PSD3: variants seen among roughly 807,000 people sequenced by gnomAD.
The protein encoded by PSD3 is pleckstrin and Sec7 domain containing 3, also known as PH and SEC7 domain-containing protein 3.
Under a neutral mutation model 105.5 loss-of-function variants are expected in PSD3, and 49 were observed. The ratio of observed to expected loss-of-function variants is 0.46; its 90% CI spans 0.37 to 0.59. The LOEUF (loss-of-function observed/expected upper bound fraction) is 0.59, where lower values mean the gene tolerates loss of function less well. Among genes scored for constraint, PSD3 ranks in the 20% least tolerant of loss-of-function variants. The pLI is 0.00. For missense variants in PSD3, 1,561 were observed against 1,263.8 expected, an observed-to-expected ratio of 1.24 and a Z score of -3.57; for synonymous variants, 557 against 457.8, an observed-to-expected ratio of 1.22 and a Z score of -2.77.
rs1454054227 is a variant in PSD3, at chr8:18,532,480, C to CA, written c.*3262dup. ...TGTGTTTGCCACAAGACCACTGCAC[C>CA]AAAAAATGCTTTCTATCCTCTGCAT... On this transcript the variant is annotated 3_prime_UTR_variant, in exon 16 of 16. Coordinates refer to ENST00000327040, the MANE Select transcript of PSD3 (RefSeq NM_015310.4). The CA allele has an allele frequency of 6.6e-6, 1 of 152,042 alleles. No homozygotes were observed. The highest frequency in any genetic ancestry group is 1.5e-5 in the Non-Finnish European group (1 of 68,008). 9.4% of individuals were successfully genotyped at this position (152,042 alleles called of 1,614,324 possible).
intron 4 of PSD3, among the ~76,000 whole-genome samples, chr8:18,861,022 C>T (rs1816398188): frequency 6.6e-6 from 1 of 152,118 alleles, no homozygotes; most frequent in African/African-American, 2.4e-5. Context: ...AAGGTTTAAA[C>T]CACAGAATTA....
intron 4 of PSD3, among the ~76,000 whole-genome samples, chr8:18,841,082 C>T (rs2129451310): frequency 6.6e-6 from 1 of 152,236 alleles, no homozygotes; most frequent in East Asian, 1.9e-4. Flanking sequence ...GAAGAAAGTC[C>T]CATGATTTCA....
chr8:18,956,984 TCTC>T (rs908152189), intron 1 of PSD3, among the ~76,000 whole-genome samples: 2 of 152,008 alleles, frequency 1.3e-5, no homozygotes, highest in Non-Finnish European at 2.9e-5. Context: ...CCCCATCACT[TCTC>T]CTCTCCCAAG....
chr8:18,608,397 G>C (rs1805020709), intron 11 of PSD3, among the ~76,000 whole-genome samples: 1 of 152,130 alleles, frequency 6.6e-6, no homozygotes, highest in South Asian at 2.1e-4. Context: ...ATTAAGAAGT[G>C]AATGAAACCA....
intron 1 of PSD3, among the ~76,000 whole-genome samples, chr8:19,020,056 C>A (rs1322472992): frequency 6.6e-6 from 1 of 152,104 alleles, no homozygotes; most frequent in Non-Finnish European, 1.5e-5. Context: ...TTTTTATTAT[C>A]CTTCTTATGG....
rs897898183 is a variant in PSD3 at position 18,532,611 on chromosome 8, T to C, written c.*3132A>G. The C allele has an allele frequency of 2.6e-5, 4 of 152,348 alleles. No homozygotes were observed. The highest frequency in any genetic ancestry group is 2.6e-4 in the Admixed American group (4 of 15,304). 9.4% of individuals were successfully genotyped at this position (152,348 alleles called of 1,614,324 possible). On this transcript the variant is annotated 3_prime_UTR_variant, in exon 16 of 16. Coordinates refer to ENST00000327040, the MANE Select transcript of PSD3 (RefSeq NM_015310.4). ...GATTAATTAAAATTCACAAAAGTAT[T>C]GCTCAGTTTAATTAGACACTGCTGA...
chr8:18,795,066 A>G (rs1810051837), intron 8 of PSD3, among the ~76,000 whole-genome samples: 1 of 152,232 alleles, frequency 6.6e-6, no homozygotes, highest in Admixed American at 6.5e-5. Context: ...ATGAATTCTT[A>G]CAATCTATCT....
At chr8:18,845,114 G>A (rs1338784887) in intron 4 of PSD3, among the ~76,000 whole-genome samples, 1 of 151,932 alleles carries the variant, frequency 6.6e-6, no homozygotes, top group Non-Finnish European at 1.5e-5. Context: ...GTAAAAATAT[G>A]GTATCTTGTC....
chr8:18,540,039 C>T (rs1270721527), intron 15 of PSD3, among the ~76,000 whole-genome samples: 5 of 152,096 alleles, frequency 3.3e-5, no homozygotes. Flanking sequence ...CGTGCCCAGC[C>T]CCATGAGAGG....
intron 9 of PSD3, among the ~76,000 whole-genome samples, chr8:18,692,389 G>C (rs1684808375): frequency 6.6e-6 from 1 of 152,174 alleles, no homozygotes; most frequent in Admixed American, 6.5e-5. Flanking sequence ...CAATTGGAAT[G>C]GGCCTGGCCT....
intron 9 of PSD3, among the ~76,000 whole-genome samples, chr8:18,758,326 A>G (rs566677964): frequency 1.3e-5 from 2 of 152,130 alleles, no homozygotes; most frequent in South Asian, 4.1e-4. Flanking sequence ...ATTGAAAAGT[A>G]GGGCAATTGT....
At chr8:18,943,814 T>C (rs912740746) in intron 1 of PSD3, among the ~76,000 whole-genome samples, 4 of 152,026 alleles carry the variant, frequency 2.6e-5, no homozygotes, top group African/African-American at 9.7e-5. Flanking sequence ...AAACTGGGAT[T>C]TGTATGCTGG....
chr8:18,548,595 G>A (rs1453630899), intron 15 of PSD3, among the ~76,000 whole-genome samples: 4 of 152,144 alleles, frequency 2.6e-5, no homozygotes, highest in Non-Finnish European at 4.4e-5. Context: ...ATCCTGCAAG[G>A]CTGAGTGCTG....
chr8:18,989,550 G>A (rs1207516584), intron 1 of PSD3: 1 of 152,098 alleles, frequency 6.6e-6, no homozygotes, highest in African/African-American at 2.4e-5. Context: ...AGAATACTAG[G>A]GATTAGAGAA....
At chr8:18,807,380 G>C (rs1169613731) in intron 4 of PSD3, among the ~76,000 whole-genome samples, 1 of 152,072 alleles carries the variant, frequency 6.6e-6, no homozygotes, top group Non-Finnish European at 1.5e-5. Flanking sequence ...CACTTTATCG[G>C]CAAGCACCTG....
chr8:18,800,108 C>G (rs550793996), intron 7 of PSD3, among the ~76,000 whole-genome samples: 2 of 152,096 alleles, frequency 1.3e-5, no homozygotes. Flanking sequence ...AACAAATTCT[C>G]GAAAGTATTT....
At chr8:18,725,383 C>T (rs1413844589) in intron 9 of PSD3, among the ~76,000 whole-genome samples, 1 of 152,086 alleles carries the variant, frequency 6.6e-6, no homozygotes, top group Non-Finnish European at 1.5e-5. Flanking sequence ...TATAGATTTC[C>T]TTGGTTGGGG....
At chr8:18,583,575 C>A (rs373389960) in intron 12 of PSD3, among the ~76,000 whole-genome samples, 2 of 148,756 alleles carry the variant, frequency 1.3e-5, no homozygotes, top group South Asian at 4.2e-4. Context: ...TCCCCAAACA[C>A]GCTGTATCAC....
At chr8:18,822,553 G>A (rs1354368508) in intron 4 of PSD3, among the ~76,000 whole-genome samples, 2 of 152,168 alleles carry the variant, frequency 1.3e-5, no homozygotes, top group Non-Finnish European at 2.9e-5. Flanking sequence ...TGGCTGTGAT[G>A]TCCTGTGTCA....
Sources: gnomAD v4.1 joint callset for allele counts (sites outside exome capture counted in the v4.1 genomes callset) on GRCh38, gnomAD v4.1.1 for gene constraint, MANE v1.5 for transcripts, NCBI Gene and HGNC (gene_info 2026-07-23, HGNC 2026-07-21) for gene names.